The following CEP290 variants were observed in gnomAD, a reference collection of about 807,000 sequenced individuals.
CEP290 encodes the protein centrosomal protein 290, also known as centrosomal protein of 290 kDa.
A neutral mutation model predicts 344.9 loss-of-function variants in CEP290; 317 were observed. The observed-to-expected ratio is 0.92, with a 90% CI of 0.84 to 1.01. The LOEUF (loss-of-function observed/expected upper bound fraction) is 1.01, where lower values mean the gene tolerates loss of function less well. Ranked by LOEUF, CEP290 falls within the 50% of genes least tolerant of loss-of-function variation. The pLI, the probability that CEP290 is intolerant of heterozygous loss-of-function variation, is 0.00. For synonymous variants in CEP290, 932 were observed against 895.8 expected, an observed-to-expected ratio of 1.04 and a Z score of -0.72; for missense variants, 2,754 against 2,761.4, an observed-to-expected ratio of 1.00 and a Z score of 0.06.
At chr12:88,082,967 T>C (rs1246843029) in intron 37 of CEP290, 64 bp downstream of exon 37, 2 of 977,540 alleles carry the variant, frequency 2.0e-6, no homozygotes, top group African/African-American at 3.4e-5. Context: ...AGCAAACACT[T>C]ATGTTTATCT....
At chr12:88,083,362 GA>G in intron 36 of CEP290, 132 bp from the exon 37 acceptor site, 1 of 538,724 alleles carries the variant, frequency 1.9e-6, no homozygotes, top group East Asian at 3.4e-5. Flanking sequence ...AATAGGCAAT[GA>G]AGGCTTAAAG....
chr12:88,061,038 G>A, intron 46 of CEP290, 44 bp from the exon 47 acceptor site: 1 of 1,406,636 alleles, frequency 7.1e-7, no homozygotes, highest in East Asian at 2.6e-5. Context: ...ATTTTAGTAA[G>A]TATAATACGA....
intron 6 of CEP290, among the ~76,000 whole-genome samples, chr12:88,133,496 T>C (rs775035777): frequency 6.6e-6 from 1 of 152,156 alleles, no homozygotes; most frequent in African/African-American, 2.4e-5. Context: ...GTCTTTGCTA[T>C]TGTGAATAGT....
chr12:88,092,907 G>T, intron 28 of CEP290, 75 bp from the exon 29 acceptor site: 1 of 1,367,474 alleles, frequency 7.3e-7, no homozygotes. Context: ...AGCTTTTAAA[G>T]TACTGCAATC....
At chr12:88,127,181 T>C (rs181100636) in intron 11 of CEP290, among the ~76,000 whole-genome samples, 11 of 152,350 alleles carry the variant, frequency 7.2e-5, no homozygotes, top group Admixed American at 5.9e-4. Flanking sequence ...AAATGAATTA[T>C]ATGTTTCGAA....
Position 88,121,020 on chromosome 12 carries a change from T to C in CEP290, c.1336A>G (p.Lys446Glu). 6.2e-7 allele frequency: 1 copy of C among 1,612,932 alleles called. No individual in the cohort carries two copies. Among genetic ancestry groups the C allele is most frequent in the South Asian group, 1.1e-5 (1 of 90,998 alleles). The change falls in exon 14 of 54, where the codon AAG becomes GAG. Residue 446 changes from lysine to glutamate, a missense_variant. By Grantham distance (56) the Lys-to-Glu change is moderately conservative. Coordinates refer to ENST00000552810, the MANE Select transcript of CEP290 (RefSeq NM_025114.4). ...ACCGATTCATAATCTTTTAACCTCT[T>C]CAGAGCCTCAACTAATTCTTTATCC... ...EKDKELVEAL[K>E]RLKDYESGVY...
intron 48 of CEP290, among the ~76,000 whole-genome samples, chr12:88,059,425 T>C (rs2034280436): frequency 6.6e-6 from 1 of 152,196 alleles, no homozygotes; most frequent in African/African-American, 2.4e-5. Flanking sequence ...TTTGTTTGTT[T>C]GAGATGGAGT....
At chr12:88,069,283 T>C (rs899716262) in intron 43 of CEP290, among the ~76,000 whole-genome samples, 1 of 152,122 alleles carries the variant, frequency 6.6e-6, no homozygotes, top group African/African-American at 2.4e-5. Context: ...TCTAGATGAT[T>C]CATAAAATTT....
chr12:88,081,380 A>G (rs1282970477), intron 37 of CEP290, among the ~76,000 whole-genome samples: 1 of 152,230 alleles, frequency 6.6e-6, no homozygotes, highest in Non-Finnish European at 1.5e-5. Context: ...AACTATATAT[A>G]TGGAAGTGGA....
At chr12:88,080,426 T>TTTTTTAA (rs1463965587) in intron 37 of CEP290, 31 bp from the exon 38 acceptor site, 1 of 1,516,882 alleles carries the variant, frequency 6.6e-7, no homozygotes, top group Non-Finnish European at 9.0e-7. Context: ...TGTGTGTGTG[T>TTTTTTAA]TTTTTAATTT....
At chr12:88,085,281 A>G (rs1163232865) in intron 34 of CEP290, among the ~76,000 whole-genome samples, 2 of 152,132 alleles carry the variant, frequency 1.3e-5, no homozygotes, top group Non-Finnish European at 2.9e-5. Flanking sequence ...CAACTCAATA[A>G]ATTACGAATA....
At chr12:88,097,020 A>G in intron 26 of CEP290, 21 bp from the exon 27 acceptor site, 1 of 1,183,172 alleles carries the variant, frequency 8.5e-7, no homozygotes. Flanking sequence ...GAAAAATATC[A>G]CTAAGAAACT....
chr12:88,121,827 T>C (rs2039423264), intron 13 of CEP290, among the ~76,000 whole-genome samples: 1 of 152,090 alleles, frequency 6.6e-6, no homozygotes, highest in South Asian at 2.1e-4. Context: ...GCTTCAACTT[T>C]GTCTATATTA....
At chr12:88,134,642 T>C (rs2040254923) in intron 6 of CEP290, among the ~76,000 whole-genome samples, 1 of 152,192 alleles carries the variant, frequency 6.6e-6, no homozygotes, top group African/African-American at 2.4e-5. Flanking sequence ...TGTGCAACCA[T>C]GGGCAATTAC....
At chr12:88,059,698 T>C (rs1033521362) in intron 48 of CEP290, among the ~76,000 whole-genome samples, 200 bp downstream of exon 48, 2 of 152,204 alleles carry the variant, frequency 1.3e-5, no homozygotes, top group South Asian at 2.1e-4. Flanking sequence ...TGAGCCACCG[T>C]GCCCAGCCTA....
intron 9 of CEP290, 31 bp from the exon 10 acceptor site, chr12:88,129,907 A>G: frequency 7.7e-7 from 1 of 1,305,932 alleles, no homozygotes; most frequent in Middle Eastern, 2.4e-4. Flanking sequence ...ATAATTAAAA[A>G]GTAATTTTAA....
intron 41 of CEP290, among the ~76,000 whole-genome samples, chr12:88,075,042 A>G (rs1490743762): frequency 2.0e-5 from 3 of 152,178 alleles, no homozygotes; most frequent in Non-Finnish European, 2.9e-5. Context: ...GGAACTTCGG[A>G]AGTCACGGAG....
At chr12:88,074,242 A>T (rs937842379) in intron 41 of CEP290, among the ~76,000 whole-genome samples, 4 of 152,110 alleles carry the variant, frequency 2.6e-5, no homozygotes, top group Admixed American at 6.5e-5. Flanking sequence ...AAAAGTAAAA[A>T]CTTCACTAAG....
At chr12:88,069,027 G>A (rs1026218194) in intron 43 of CEP290, among the ~76,000 whole-genome samples, 1 of 152,060 alleles carries the variant, frequency 6.6e-6, no homozygotes, top group Non-Finnish European at 1.5e-5. Flanking sequence ...TTCTCAAGAA[G>A]CTCAAGGATC....
Sources: allele counts gnomAD v4.1 joint callset (sites outside exome capture counted in the v4.1 genomes callset), GRCh38; gene constraint gnomAD v4.1.1; transcripts MANE v1.5; gene names NCBI Gene and HGNC (gene_info 2026-07-23, HGNC 2026-07-21).